The following GRIN2A variants were observed in gnomAD, a reference collection of about 807,000 sequenced individuals.
GRIN2A encodes the protein glutamate ionotropic receptor NMDA type subunit 2A.
A neutral mutation model predicts 113.4 loss-of-function variants in GRIN2A; 22 were observed. The ratio of observed to expected loss-of-function variants is 0.19; its 90% CI spans 0.14 to 0.28. The LOEUF (loss-of-function observed/expected upper bound fraction) is 0.28. Ranked by LOEUF, GRIN2A falls within the 10% of genes least tolerant of loss-of-function variation. GRIN2A has a pLI of 1.00. For missense variants in GRIN2A, 1,502 were observed against 1,887.0 expected (o/e 0.80, Z 3.78); for synonymous variants, 827 against 738.4 (o/e 1.12, Z -1.94).
intron 4 of GRIN2A, among the ~76,000 whole-genome samples, chr16:9,861,680 C>G (rs1320798496): frequency 6.6e-6 from 1 of 152,218 alleles, no homozygotes; most frequent in East Asian, 1.9e-4. Flanking sequence ...AAAGAGTATC[C>G]CAGAAAACCA....
At chr16:9,840,092 TG>T (rs1310951488) in intron 7 of GRIN2A, among the ~76,000 whole-genome samples, 13 of 152,168 alleles carry the variant, frequency 8.5e-5, no homozygotes, top group Non-Finnish European at 1.8e-4. Context: ...CACTCAAGCC[TG>T]GGCAGCAGAG....
At chr16:10,000,873 T>C (rs1040938919) in intron 2 of GRIN2A, among the ~76,000 whole-genome samples, 12 of 152,160 alleles carry the variant, frequency 7.9e-5, no homozygotes, top group African/African-American at 2.9e-4. Flanking sequence ...GTCCTAGTCT[T>C]GGTTATACTC....
At chr16:10,093,933 T>C (rs947525196) in intron 2 of GRIN2A, among the ~76,000 whole-genome samples, 3 of 152,172 alleles carry the variant, frequency 2.0e-5, no homozygotes, top group Admixed American at 6.5e-5. Context: ...TTTCTCTCCT[T>C]GTATCAATGA....
chr16:10,171,815 C>T (rs1224895321), intron 2 of GRIN2A, among the ~76,000 whole-genome samples: 2 of 152,292 alleles, frequency 1.3e-5, no homozygotes, highest in African/African-American at 2.4e-5. Context: ...TCCATGATGT[C>T]ATTTAAATCT....
At chr16:10,168,263 C>A in intron 2 of GRIN2A, among the ~76,000 whole-genome samples, 1 of 152,108 alleles carries the variant, frequency 6.6e-6, no homozygotes, top group East Asian at 1.9e-4. Context: ...ATATCTTCTA[C>A]CTTCAGGATA....
chr16:9,950,809 A>G (rs1234355003), intron 2 of GRIN2A, among the ~76,000 whole-genome samples: 1 of 152,188 alleles, frequency 6.6e-6, no homozygotes, highest in African/African-American at 2.4e-5. Context: ...CTAGGCTGTA[A>G]AACAGGAAAA....
chr16:10,124,661 G>C (rs1360310332), intron 2 of GRIN2A, among the ~76,000 whole-genome samples: 1 of 152,136 alleles, frequency 6.6e-6, no homozygotes, highest in East Asian at 1.9e-4. Context: ...TTGATAACTA[G>C]AGAGCTATCC....
chr16:10,082,973 T>C (rs748597864), intron 2 of GRIN2A, among the ~76,000 whole-genome samples: 1 of 152,138 alleles, frequency 6.6e-6, no homozygotes, highest in Admixed American at 6.5e-5. Context: ...CCAACATGGG[T>C]ACCCAGGGCT....
At chr16:9,805,163 C>T (rs929472759) in intron 10 of GRIN2A, among the ~76,000 whole-genome samples, 5 of 152,166 alleles carry the variant, frequency 3.3e-5, no homozygotes, top group Non-Finnish European at 7.3e-5. Flanking sequence ...GACTATACCC[C>T]ACAGTAGAGG....
chr16:10,045,389 G>T (rs1567258928), intron 2 of GRIN2A, among the ~76,000 whole-genome samples: 1 of 149,744 alleles, frequency 6.7e-6, no homozygotes, highest in Non-Finnish European at 1.5e-5. Context: ...TGTACAGCAG[G>T]CTCTCTCTCA....
intron 2 of GRIN2A, among the ~76,000 whole-genome samples, chr16:10,050,665 GTAA>G (rs1349115314): frequency 6.6e-6 from 1 of 151,958 alleles, no homozygotes; most frequent in Non-Finnish European, 1.5e-5. Context: ...ATATTATAAT[GTAA>G]TAATAGAAAT....
rs745951746 is a variant in GRIN2A, at chr16:9,840,813, CAAAA to C, written c.1498-17_1498-14del. 6,564 of 1,060,284 alleles carry C rather than the reference CAAAA, an allele frequency of 6.2e-3. No homozygotes were observed. The highest frequency in any genetic ancestry group is 7.0e-3 in the Non-Finnish European group (5,573 of 799,636). 65.7% of individuals were successfully genotyped at this position (1,060,284 alleles called of 1,614,324 possible). Reference sequence around the variant, plus strand: ...GTTGATAGACCACCTGGATGCAAGGCAAAAAAAAAAAAAAAAAAAAGAGAGAGAG... The same window carrying C: ...GTTGATAGACCACCTGGATGCAAGGCAAAAAAAAAAAAAAAAGAGAGAGAG... On this transcript the variant is annotated splice_polypyrimidine_tract_variant and intron_variant, in intron 6 of 12. Coordinates refer to ENST00000330684, the MANE Select transcript of GRIN2A (RefSeq NM_001134407.3).
intron 2 of GRIN2A, among the ~76,000 whole-genome samples, chr16:10,098,972 G>A: frequency 6.8e-6 from 1 of 146,370 alleles, no homozygotes. Context: ...TTTAGAAAAG[G>A]AAAAATAAAT....
In GRIN2A at chr16:9,886,733, C is replaced by T. The variant is rs145444431; in HGVS notation, c.1122+4253G>A. On this transcript the variant is annotated intron_variant, in intron 4 of 12. Coordinates refer to ENST00000330684, the MANE Select transcript of GRIN2A (RefSeq NM_001134407.3). ...GAATAGACGAACCATGAAGTCAGGGCTCCGGTGGATCAACTGAAGGATCAA... is the reference window on the plus strand; with the variant it reads ...GAATAGACGAACCATGAAGTCAGGGTTCCGGTGGATCAACTGAAGGATCAA... Among the ~76,000 whole-genome samples the T allele has an allele frequency of 1.2e-3, 185 of 152,252 alleles. 2 individuals carry two copies. The highest frequency in any genetic ancestry group is 4.1e-3 in the African/African-American group (171 of 41,544).
intron 3 of GRIN2A, among the ~76,000 whole-genome samples, chr16:9,904,316 T>G (rs941885431): frequency 5.3e-5 from 8 of 152,198 alleles, no homozygotes; most frequent in African/African-American, 1.9e-4. Context: ...TCCTAAAGTG[T>G]ACTCACATGG....
Position 9,761,677 on chromosome 16 carries a change from G to A in GRIN2A, c.*1472C>T, listed in dbSNP as rs901139151. On this transcript the variant is annotated 3_prime_UTR_variant, in exon 13 of 13. Transcript: ENST00000330684. ...TTTGTGGCAGGCACTGTGCTAACAG[G>A]CTCCCCATGCATAAGTATTCCCCTC... The A allele has an allele frequency of 4.4e-6, 1 of 227,246 alleles. No individual in the cohort carries two copies. The highest frequency in any genetic ancestry group is 8.7e-6 in the Non-Finnish European group (1 of 114,418). The allele number at this position is 227,246 out of a possible 1,614,324, so 14.1% of individuals were successfully genotyped here.
In GRIN2A at chr16:9,907,520, G is replaced by A. The variant is rs952517850; in HGVS notation, c.1008-16420C>T. ...ATTTTGGGGGCTGGTGTGATGGAACGGCTCTGAATCCTGATTGCAGTCATG... is the reference window on the plus strand; with the variant it reads ...ATTTTGGGGGCTGGTGTGATGGAACAGCTCTGAATCCTGATTGCAGTCATG... On this transcript the variant is annotated intron_variant, in intron 3 of 12. Coordinates refer to ENST00000330684, the MANE Select transcript of GRIN2A (RefSeq NM_001134407.3). Among the ~76,000 whole-genome samples the A allele has an allele frequency of 5.3e-5, 8 of 152,196 alleles. No individual in the cohort carries two copies. In the South Asian group the frequency reaches 1.0e-3, roughly 20 times the overall value.
intron 4 of GRIN2A, among the ~76,000 whole-genome samples, chr16:9,863,183 C>T (rs1465483200): frequency 6.6e-6 from 1 of 152,142 alleles, no homozygotes; most frequent in African/African-American, 2.4e-5. Context: ...TTAAGGCAAA[C>T]ATGAGCAGTT....
rs1354557308 is a variant in GRIN2A at position 10,058,178 on chromosome 16, C to T, written c.415-119627G>A. On this transcript the variant is annotated intron_variant, in intron 2 of 12. Coordinates refer to ENST00000330684, the MANE Select transcript of GRIN2A (RefSeq NM_001134407.3). ...GCTGAGGCGGGAGAATTGCTTGAAC[C>T]CGGGAGGCAGAGGTTGCAGTGAGCC... Among the ~76,000 whole-genome samples the T allele has an allele frequency of 3.3e-5, 5 of 151,818 alleles. No individual in the cohort carries two copies. The South Asian group carries it at 1.0e-3, about 32-fold the overall frequency.
Sources: allele counts gnomAD v4.1 joint callset (sites outside exome capture counted in the v4.1 genomes callset), GRCh38; gene constraint gnomAD v4.1.1; transcripts MANE v1.5; gene names NCBI Gene and HGNC (gene_info 2026-07-23, HGNC 2026-07-21).